The following LIN7A variants were observed in gnomAD, a reference collection of about 807,000 sequenced individuals.
LIN7A encodes protein lin-7 homolog A.
In LIN7A, 25 loss-of-function variants were observed where a neutral mutation model predicts 29.8. That is an observed-to-expected ratio of 0.84 (90% CI 0.61 to 1.17). The LOEUF is 1.17. LIN7A is among the 50% of genes most tolerant of loss of function. The probability of loss-of-function intolerance (pLI) is 0.00; values close to 1 mark genes in which losing one functional copy is unlikely to be tolerated. For missense variants in LIN7A, 239 were observed against 287.0 expected, an observed-to-expected ratio of 0.83 and a Z score of 1.21; for synonymous variants, 118 against 107.5, an observed-to-expected ratio of 1.10 and a Z score of -0.60.
Position 80,814,301 on chromosome 12 carries a change from T to TCC in LIN7A, c.484-2620_484-2619dup, listed in dbSNP as rs199856376. 2.8e-3 allele frequency among the ~76,000 whole-genome samples: 427 copies of TCC among 152,316 alleles called. 1 individual carries two copies. The highest frequency in any genetic ancestry group is 9.9e-3 in the African/African-American group (411 of 41,574). ...ATGTTTGTAATTTCTTTATAACTGGTCCCATGATGATTTGTTAATGCATAT... is the reference window on the plus strand; with the variant it reads ...ATGTTTGTAATTTCTTTATAACTGGTCCCCCATGATGATTTGTTAATGCATAT... On this transcript the variant is annotated intron_variant, in intron 4 of 5. Transcript: ENST00000552864.
chr12:80,884,676 C>A (rs1318480222), intron 2 of LIN7A, among the ~76,000 whole-genome samples: 1 of 152,122 alleles, frequency 6.6e-6, no homozygotes, highest in Non-Finnish European at 1.5e-5. Flanking sequence ...AGAACTGACC[C>A]AGTTTTGAAA....
Position 80,915,192 on chromosome 12 carries a change from A to T in LIN7A, c.82+22449T>A, listed in dbSNP as rs111642243. On this transcript the variant is annotated intron_variant, in intron 1 of 5. Transcript: ENST00000552864. ...CAAAAAAACAAAAAAAATTAACCCC[A>T]TTAAAAACTGGGTAAAGGACATGAA... Among the ~76,000 whole-genome samples the T allele has an allele frequency of 8.9e-3, 1,358 of 151,908 alleles. 8 individuals are homozygous for T. Among genetic ancestry groups the T allele is most frequent in the Non-Finnish European group, 0.014 (923 of 67,936 alleles).
intron 2 of LIN7A, among the ~76,000 whole-genome samples, chr12:80,883,462 G>C (rs1247027131): frequency 6.6e-6 from 1 of 152,142 alleles, no homozygotes; most frequent in Admixed American, 6.5e-5. Flanking sequence ...TTTAATTATT[G>C]ATGGTGGGAT....
intron 2 of LIN7A, among the ~76,000 whole-genome samples, chr12:80,865,762 A>G (rs899073888): frequency 1.3e-5 from 2 of 152,204 alleles, no homozygotes; most frequent in African/African-American, 4.8e-5. Flanking sequence ...GTAGATGATG[A>G]TAAGTTCCCT....
chr12:80,802,214 C>T (rs1023649155), intron 5 of LIN7A, among the ~76,000 whole-genome samples: 24 of 151,996 alleles, frequency 1.6e-4, no homozygotes, highest in African/African-American at 3.9e-4. Flanking sequence ...TTTAAGATTC[C>T]GCTTATAAGT....
chr12:80,867,530 G>A (rs4842289), intron 2 of LIN7A, among the ~76,000 whole-genome samples: 64,686 of 151,986 alleles, frequency 0.43, 14,213 homozygotes, highest in East Asian at 0.68. Flanking sequence ...CAGCTCTGGA[G>A]TATCTGCTGT....
At chr12:80,808,112 C>T (rs948735228) in intron 5 of LIN7A, among the ~76,000 whole-genome samples, 21 of 152,198 alleles carry the variant, frequency 1.4e-4, no homozygotes, top group Non-Finnish European at 7.3e-5. Flanking sequence ...TCTAACTACT[C>T]TGGCTTTCTT....
intron 2 of LIN7A, chr12:80,860,819 T>G (rs1029538489): frequency 5.9e-5 from 9 of 152,188 alleles, no homozygotes; most frequent in African/African-American, 2.2e-4. Context: ...AGTAGATCTT[T>G]GATTGTGGAA....
chr12:80,879,613 T>C (rs1874913147), intron 2 of LIN7A, among the ~76,000 whole-genome samples: 1 of 116,148 alleles, frequency 8.6e-6, no homozygotes, highest in Non-Finnish European at 1.6e-5. Context: ...ACTTTGCCTA[T>C]GGGATAGCCC....
At chr12:80,919,236 C>G (rs1232514110) in intron 1 of LIN7A, among the ~76,000 whole-genome samples, 2 of 152,184 alleles carry the variant, frequency 1.3e-5, no homozygotes, top group African/African-American at 4.8e-5. Flanking sequence ...AACACAGTTT[C>G]TTACTCTGCT....
chr12:80,859,731 A>G (rs1873771443), intron 2 of LIN7A, among the ~76,000 whole-genome samples: 1 of 152,196 alleles, frequency 6.6e-6, no homozygotes, highest in South Asian at 2.1e-4. Context: ...ATGATTTTAA[A>G]GTAAAAGTAA....
At chr12:80,894,315 G>A (rs893665570) in intron 1 of LIN7A, among the ~76,000 whole-genome samples, 2 of 152,102 alleles carry the variant, frequency 1.3e-5, no homozygotes, top group African/African-American at 4.8e-5. Context: ...GAGGCTGCCA[G>A]GTAAGCACAA....
chr12:80,884,077 A>C (rs1041478840), intron 2 of LIN7A, among the ~76,000 whole-genome samples: 1 of 152,240 alleles, frequency 6.6e-6, no homozygotes, highest in Non-Finnish European at 1.5e-5. Flanking sequence ...AGAGATAATC[A>C]AGAAGCAAAT....
intron 1 of LIN7A, 142 bp downstream of exon 1, chr12:80,937,499 G>C (rs922566894): frequency 1.7e-5 from 8 of 484,440 alleles, no homozygotes; most frequent in Non-Finnish European, 2.5e-5. Flanking sequence ...TTCTGTTCTC[G>C]GCGCGAACGC....
chr12:80,881,187 T>A (rs1385613320), intron 2 of LIN7A, among the ~76,000 whole-genome samples: 1 of 152,204 alleles, frequency 6.6e-6, no homozygotes, highest in Non-Finnish European at 1.5e-5. Flanking sequence ...TGTGATTTAT[T>A]TTCAGGATGC....
At chr12:80,869,149 A>AATAAAT (rs1555225728) in intron 2 of LIN7A, among the ~76,000 whole-genome samples, 15 of 145,468 alleles carry the variant, frequency 1.0e-4, no homozygotes, top group African/African-American at 3.5e-4. Context: ...TAAATAAATA[A>AATAAAT]ATATATATAT....
intron 2 of LIN7A, among the ~76,000 whole-genome samples, chr12:80,881,638 T>G (rs1220891021): frequency 1.3e-5 from 2 of 152,224 alleles, no homozygotes; most frequent in East Asian, 3.9e-4. Flanking sequence ...GTTATATATA[T>G]ATATATATGT....
At chr12:80,862,722 A>G (rs555517696) in intron 2 of LIN7A, among the ~76,000 whole-genome samples, 4 of 152,338 alleles carry the variant, frequency 2.6e-5, no homozygotes, top group South Asian at 4.1e-4. Flanking sequence ...AAAAGGCACA[A>G]CAATGTGATG....
Position 80,886,224 on chromosome 12 carries a change from T to G in LIN7A, c.201+3027A>C, listed in dbSNP as rs534509569. On this transcript the variant is annotated intron_variant, in intron 2 of 5. Coordinates refer to ENST00000552864, the MANE Select transcript of LIN7A (RefSeq NM_004664.4). ...TCAAAGTTTTTTTTTTTTGCCAGTA[T>G]TACAATCAGTACCCAAGACACCAGA... 2.5e-3 allele frequency among the ~76,000 whole-genome samples: 380 copies of G among 152,092 alleles called. 2 individuals carry two copies. Among genetic ancestry groups the G allele is most frequent in the Non-Finnish European group, 4.2e-3 (288 of 67,908 alleles).
Sources: gnomAD v4.1 joint callset for allele counts (sites outside exome capture counted in the v4.1 genomes callset) on GRCh38, gnomAD v4.1.1 for gene constraint, MANE v1.5 for transcripts, NCBI Gene and HGNC (gene_info 2026-07-23, HGNC 2026-07-21) for gene names.